Variants in ANO4 observed in about 807,000 individuals in gnomAD.
ANO4 encodes anoctamin-4.
In ANO4, 69 loss-of-function variants were observed where a neutral mutation model predicts 141.9. The ratio of observed to expected loss-of-function variants is 0.49; its 90% CI spans 0.40 to 0.59. ANO4 has a LOEUF of 0.59. Among genes scored for constraint, ANO4 ranks in the 20% least tolerant of loss-of-function variants. The pLI, the probability that ANO4 is intolerant of heterozygous loss-of-function variation, is 0.00. For missense variants in ANO4, 894 were observed against 1,162.2 expected (o/e 0.77, Z 3.36); for synonymous variants, 350 against 394.3 (o/e 0.89, Z 1.33).
At chr12:100,912,310 G>A (rs1593732382) in intron 2 of ANO4, among the ~76,000 whole-genome samples, 1 of 148,814 alleles carries the variant, frequency 6.7e-6, no homozygotes, top group African/African-American at 2.5e-5. Flanking sequence ...CAGGAGAATC[G>A]CTTGAACCTG....
rs564705755 is a variant in ANO4 at position 100,919,685 on chromosome 12, T to C, written c.56-2541T>C. On this transcript the variant is annotated intron_variant, in intron 2 of 27. Transcript: ENST00000392977. ...GGACATGTCTCTGTGTGTGTGTGTG[T>C]GTGTGTGTGTGTGTGTGTGTATGTA... 3.1e-3 allele frequency among the ~76,000 whole-genome samples: 432 copies of C among 139,930 alleles called. 2 individuals are homozygous for C. The highest frequency in any genetic ancestry group is 4.7e-3 in the Non-Finnish European group (318 of 67,082). The allele number at this position is 139,930 out of a possible 152,430, so 91.8% of individuals were successfully genotyped here. A position where few individuals can be genotyped will look rare whatever the true frequency, so the allele number is the denominator to read the frequency against.
intron 1 of ANO4, among the ~76,000 whole-genome samples, chr12:100,827,686 A>G (rs966461167): frequency 6.6e-6 from 1 of 151,966 alleles, no homozygotes; most frequent in African/African-American, 2.4e-5. Flanking sequence ...ATAATCATTT[A>G]TCAGATTATT....
intron 3 of ANO4, among the ~76,000 whole-genome samples, chr12:100,769,929 C>T (rs914380852): frequency 1.4e-5 from 2 of 148,086 alleles, no homozygotes; most frequent in Non-Finnish European, 3.0e-5. Context: ...TATACTTTCA[C>T]ATAATTTTTT....
At chr12:101,127,143 G>A (rs752898910) in intron 27 of ANO4, 69 bp downstream of exon 27, 1 of 1,420,672 alleles carries the variant, frequency 7.0e-7, no homozygotes, top group East Asian at 2.5e-5. Context: ...ACTCCCTGAA[G>A]CAAAGCTTAC....
At chr12:101,099,488 ATTG>A in intron 21 of ANO4, 87 bp from the exon 22 acceptor site, 2 of 1,295,754 alleles carry the variant, frequency 1.5e-6, no homozygotes, top group Non-Finnish European at 2.1e-6. Flanking sequence ...TTTTCAAACT[ATTG>A]TTTCTGTATT....
chr12:100,806,196 G>A (rs1199293318), intron 1 of ANO4, among the ~76,000 whole-genome samples: 1 of 152,034 alleles, frequency 6.6e-6, no homozygotes, highest in Non-Finnish European at 1.5e-5. Context: ...TTCTAAAAGT[G>A]GAATGCCTGG....
intron 3 of ANO4, among the ~76,000 whole-genome samples, chr12:100,742,547 C>T (rs2031916412): frequency 6.6e-6 from 1 of 152,180 alleles, no homozygotes; most frequent in South Asian, 2.1e-4. Flanking sequence ...TAAGCTATCT[C>T]TCTTCTCTAT....
At chr12:101,020,268 T>C in intron 9 of ANO4, 128 bp downstream of exon 9, 2 of 629,584 alleles carry the variant, frequency 3.2e-6, no homozygotes, top group Non-Finnish European at 5.5e-6. Context: ...AACTAATCCT[T>C]TGATGAATAA....
chr12:101,006,853 A>T (rs2045892564), intron 8 of ANO4, among the ~76,000 whole-genome samples: 1 of 152,214 alleles, frequency 6.6e-6, no homozygotes, highest in South Asian at 2.1e-4. Flanking sequence ...GGACACAGAG[A>T]AACTTCAATT....
chr12:101,068,339 C>A, intron 14 of ANO4: 1 of 1,174,918 alleles, frequency 8.5e-7, no homozygotes, highest in Non-Finnish European at 1.3e-6. Context: ...AGAGAAGATG[C>A]AGAAACTGGG....
chr12:100,856,119 A>G (rs1028958430), intron 1 of ANO4, among the ~76,000 whole-genome samples: 20 of 152,108 alleles, frequency 1.3e-4, no homozygotes, highest in African/African-American at 4.8e-4. Flanking sequence ...AACTATTGAA[A>G]TCGATGGTGT....
At chr12:101,045,510 C>T (rs1173549345) in intron 13 of ANO4, among the ~76,000 whole-genome samples, 1 of 152,160 alleles carries the variant, frequency 6.6e-6, no homozygotes, top group Non-Finnish European at 1.5e-5. Flanking sequence ...TTAGAGATGT[C>T]AGAGTGATTT....
chr12:101,068,277 C>G (rs1235854874), intron 14 of ANO4: 2 of 1,442,850 alleles, frequency 1.4e-6, no homozygotes, highest in Non-Finnish European at 1.9e-6. Flanking sequence ...GAGTTCCTGC[C>G]TCTGCTGCAG....
Position 100,877,729 on chromosome 12 carries a change from C to T in ANO4, c.-140-23917C>T, listed in dbSNP as rs148320442. On this transcript the variant is annotated intron_variant, in intron 1 of 27. Transcript: ENST00000392977. ...TGTTTTTTTCTCCAGCATCTTTCAGCTGCTCAGGTGCAAGTACAGAGTAGA... is the reference window on the plus strand; with the variant it reads ...TGTTTTTTTCTCCAGCATCTTTCAGTTGCTCAGGTGCAAGTACAGAGTAGA... Among the ~76,000 whole-genome samples the T allele has an allele frequency of 3.0e-3, 453 of 152,238 alleles. 2 individuals are homozygous for T. Among genetic ancestry groups the T allele is most frequent in the African/African-American group, 0.01 (419 of 41,548 alleles).
chr12:101,080,900 T>TATTATATATATATATATATATATATACAC, intron 15 of ANO4, among the ~76,000 whole-genome samples: 1 of 131,038 alleles, frequency 7.6e-6, no homozygotes, highest in Middle Eastern at 3.9e-3. Flanking sequence ...TATATATATA[T>TATTATATATATATATATATATATATACAC]ACATACACAT....
chr12:101,110,587 A>C (rs992457689), intron 23 of ANO4, 31 bp downstream of exon 23: 1 of 1,503,388 alleles, frequency 6.7e-7, no homozygotes, highest in Non-Finnish European at 8.9e-7. Flanking sequence ...TTTTTAAAAA[A>C]CATATTAAAC....
chr12:101,048,143 A>G lies in ANO4; in HGVS notation c.1252-198A>G, dbSNP rs2047705541. 4 of 1,032,924 alleles carry G rather than the reference A, an allele frequency of 3.9e-6. No homozygotes were observed. In the South Asian group the frequency reaches 6.1e-5, roughly 16 times the overall value. 64.0% of individuals were successfully genotyped at this position (1,032,924 alleles called of 1,614,324 possible). A position where few individuals can be genotyped will look rare whatever the true frequency, so the allele number is the denominator to read the frequency against. On this transcript the variant is annotated intron_variant, in intron 13 of 27. Coordinates refer to ENST00000392977, the MANE Select transcript of ANO4 (RefSeq NM_001286615.2). ...TAACCACATAAAGAGAACAAATTGTATCCTCTATATATGAACTACCTTGCA... is the reference window on the plus strand; with the variant it reads ...TAACCACATAAAGAGAACAAATTGTGTCCTCTATATATGAACTACCTTGCA...
intron 1 of ANO4, among the ~76,000 whole-genome samples, chr12:100,799,436 T>C (rs1474615602): frequency 2.6e-5 from 4 of 152,106 alleles, no homozygotes; most frequent in African/African-American, 9.7e-5. Context: ...TTGGAAAGTC[T>C]CTTGTGATTA....
At chr12:100,841,453 T>C (rs2135811485) in intron 1 of ANO4, among the ~76,000 whole-genome samples, 1 of 152,110 alleles carries the variant, frequency 6.6e-6, no homozygotes, top group Admixed American at 6.5e-5. Flanking sequence ...AGGCAGCAAA[T>C]AAATAAGCAG....
Sources: gnomAD v4.1 joint callset for allele counts (sites outside exome capture counted in the v4.1 genomes callset) on GRCh38, gnomAD v4.1.1 for gene constraint, MANE v1.5 for transcripts, NCBI Gene and HGNC (gene_info 2026-07-23, HGNC 2026-07-21) for gene names.